DNAH8: variants seen among roughly 807,000 people sequenced by gnomAD.
DNAH8 encodes dynein axonemal heavy chain 8.
Under a neutral mutation model 562.1 loss-of-function variants are expected in DNAH8, and 382 were observed. That is an observed-to-expected ratio of 0.68 (90% confidence interval 0.63 to 0.74). The LOEUF is 0.74. Ranked by LOEUF, DNAH8 falls within the 30% of genes least tolerant of loss-of-function variation. The probability of loss-of-function intolerance (pLI) is 0.00; values close to 1 mark genes in which losing one functional copy is unlikely to be tolerated. For synonymous variants in DNAH8, 1,881 were observed against 1,919.4 expected, an observed-to-expected ratio of 0.98 and a Z score of 0.52; for missense variants, 5,203 against 5,620.4, an observed-to-expected ratio of 0.93 and a Z score of 2.37.
intron 1 of DNAH8, among the ~76,000 whole-genome samples, chr6:38,715,898 C>T (rs1443318220): frequency 1.2e-5 from 1 of 84,994 alleles, no homozygotes; most frequent in East Asian, 2.6e-4. Context: ...ACCCGAAAAG[C>T]TATTAAAATA....
intron 75 of DNAH8, among the ~76,000 whole-genome samples, 164 bp downstream of exon 75, chr6:38,929,830 C>T (rs931764128): frequency 6.6e-6 from 1 of 152,056 alleles, no homozygotes; most frequent in African/African-American, 2.4e-5. Flanking sequence ...GTATTTGGTA[C>T]GTCGGAAATA....
chr6:38,980,093 A>AG (rs558169160), intron 85 of DNAH8, among the ~76,000 whole-genome samples: 32 of 152,112 alleles, frequency 2.1e-4, no homozygotes, highest in African/African-American at 7.2e-4. Flanking sequence ...AATGTTTCTG[A>AG]GTCCACTTCA....
intron 91 of DNAH8, among the ~76,000 whole-genome samples, chr6:39,016,214 T>C (rs1473729916): frequency 2.6e-5 from 4 of 152,056 alleles, no homozygotes; most frequent in African/African-American, 9.7e-5. Flanking sequence ...TGAAGTAATT[T>C]CTTTCTTTGG....
intron 9 of DNAH8, among the ~76,000 whole-genome samples, chr6:38,753,888 A>C (rs563445945): frequency 1.3e-5 from 2 of 152,342 alleles, no homozygotes; most frequent in South Asian, 4.1e-4. Flanking sequence ...TGACAGAAGT[A>C]CTAATAGCAT....
intron 91 of DNAH8, among the ~76,000 whole-genome samples, chr6:39,021,010 T>C (rs554978937): frequency 6.7e-4 from 102 of 152,298 alleles, no homozygotes; most frequent in African/African-American, 2.4e-3. Context: ...GCAGAATGAT[T>C]TGTATTTTTT....
chr6:38,778,815 A>C (rs1054084928), intron 14 of DNAH8, among the ~76,000 whole-genome samples: 1 of 152,214 alleles, frequency 6.6e-6, no homozygotes, highest in African/African-American at 2.4e-5. Context: ...GAATTTCTGA[A>C]AGTGAGATTA....
At chr6:38,889,892 C>T (rs1007239006) in intron 57 of DNAH8, among the ~76,000 whole-genome samples, 1 of 122,166 alleles carries the variant, frequency 8.2e-6, no homozygotes, top group African/African-American at 2.8e-5. Context: ...AGCAGATATT[C>T]ATATTCCTCT....
intron 88 of DNAH8, among the ~76,000 whole-genome samples, chr6:39,001,729 G>A (rs1006481980): frequency 1.3e-5 from 2 of 152,200 alleles, no homozygotes; most frequent in South Asian, 4.1e-4. Context: ...ATTTTATCCT[G>A]AAGGTTATGG....
intron 4 of DNAH8, among the ~76,000 whole-genome samples, chr6:38,731,399 T>C (rs1261889989): frequency 6.6e-6 from 1 of 152,240 alleles, no homozygotes; most frequent in East Asian, 1.9e-4. Context: ...AATATTGTCT[T>C]CTTTATGCCA....
At position 38,994,879 on chromosome 6, in the gene DNAH8, C is replaced by T. The variant is rs547025514; in HGVS notation, c.13214+4707C>T. On this transcript the variant is annotated intron_variant, in intron 88 of 92. Coordinates refer to ENST00000327475, the MANE Select transcript of DNAH8 (RefSeq NM_001206927.2). ...GGCTGGTCTTGAGCTCTTGACCACA[C>T]GTGATCCGCCAGCCTTGGCCTCCTG... is the stretch of plus-strand genomic sequence containing the variant. 8.6e-4 allele frequency among the ~76,000 whole-genome samples: 131 copies of T among 152,080 alleles called. 1 individual carries two copies. Among genetic ancestry groups the T allele is most frequent in the Non-Finnish European group, 1.6e-3 (110 of 67,980 alleles).
intron 82 of DNAH8, among the ~76,000 whole-genome samples, chr6:38,966,394 GA>G (rs1762972123): frequency 6.6e-6 from 1 of 152,134 alleles, no homozygotes; most frequent in Admixed American, 6.5e-5. Context: ...CTTCATTGGT[GA>G]ATTCTAGCAA....
At position 38,781,305 on chromosome 6, in the gene DNAH8, A is replaced by G. The variant is rs368357323; in HGVS notation, c.2191A>G (p.Ile731Val). 9.3e-6 allele frequency: 15 copies of G among 1,613,662 alleles called. No individual in the cohort carries two copies. The highest frequency in any genetic ancestry group is 4.0e-5 in the African/African-American group (3 of 74,874). ...DPPLARNMPPIAGKILWVRQL... is the reference protein window; with the variant it reads ...DPPLARNMPPVAGKILWVRQL... ...CCCTCTTGCTCGCAACATGCCCCCT[A>G]TAGCAGGAAAAATACTCTGGGTGAG... The change falls in exon 16 of 93, where the codon ATA becomes GTA. Residue 731 changes from isoleucine to valine, a missense_variant. Coordinates refer to ENST00000327475, the MANE Select transcript of DNAH8 (RefSeq NM_001206927.2).
intron 57 of DNAH8, among the ~76,000 whole-genome samples, chr6:38,887,831 G>C (rs1205581966): frequency 7.0e-6 from 1 of 142,296 alleles, no homozygotes; most frequent in Non-Finnish European, 1.5e-5. Context: ...GGAAAGGGCA[G>C]ACTTTTTTTT....
rs529230810 is a variant in DNAH8 at position 38,861,580 on chromosome 6, CAG to C, written c.6132-697_6132-696del. On this transcript the variant is annotated intron_variant, in intron 43 of 92. Coordinates refer to ENST00000327475, the MANE Select transcript of DNAH8 (RefSeq NM_001206927.2). The stretch of plus-strand genomic sequence containing the variant: ...CCTGGTTTCTTTTTTTGTTTTGAGA[CAG>C]AGTCTTGCTCTGTCGCCCAGGCTGG... Among the ~76,000 whole-genome samples the C allele has an allele frequency of 3.3e-4, 50 of 152,266 alleles. 1 individual carries two copies. The South Asian group carries it at 5.8e-3, about 18-fold the overall frequency.
At chr6:38,971,353 C>T (rs1428075975) in intron 82 of DNAH8, among the ~76,000 whole-genome samples, 1 of 152,108 alleles carries the variant, frequency 6.6e-6, no homozygotes, top group Non-Finnish European at 1.5e-5. Context: ...CCATACGTGC[C>T]TTTTTCTCTC....
chr6:38,988,534 C>T (rs897917143), intron 87 of DNAH8, among the ~76,000 whole-genome samples: 2 of 152,164 alleles, frequency 1.3e-5, no homozygotes, highest in African/African-American at 2.4e-5. Flanking sequence ...ATGCTCATAA[C>T]ACTATTCTCT....
chr6:38,997,081 C>T lies in DNAH8; in HGVS notation c.13214+6909C>T, dbSNP rs182280366. Among the ~76,000 whole-genome samples, 33 of 152,176 alleles carry T rather than the reference C, an allele frequency of 2.2e-4. No homozygotes were observed. In the East Asian group the frequency reaches 6.2e-3, roughly 28 times the overall value. ...ATATGGTCTGCCTTGGGGTCTCTCTCACCCACCCCTGATCCCCTTTCCCCA... is the reference window on the plus strand; with the variant it reads ...ATATGGTCTGCCTTGGGGTCTCTCTTACCCACCCCTGATCCCCTTTCCCCA... On this transcript the variant is annotated intron_variant, in intron 88 of 92. Transcript: ENST00000327475.
chr6:38,827,094 C>T (rs1773398104), intron 29 of DNAH8, among the ~76,000 whole-genome samples: 1 of 152,114 alleles, frequency 6.6e-6, no homozygotes, highest in Admixed American at 6.5e-5. Context: ...CGTGTCTTGG[C>T]TCATGGTTGG....
intron 80 of DNAH8, among the ~76,000 whole-genome samples, chr6:38,947,595 G>A (rs1761538517): frequency 6.6e-6 from 1 of 152,180 alleles, no homozygotes; most frequent in African/African-American, 2.4e-5. Flanking sequence ...ATGTGGAGGA[G>A]GCCTGTGGGG....
Sources: allele counts gnomAD v4.1 joint callset (sites outside exome capture counted in the v4.1 genomes callset), GRCh38; gene constraint gnomAD v4.1.1; transcripts MANE v1.5; gene names NCBI Gene and HGNC (gene_info 2026-07-23, HGNC 2026-07-21).